STXBP5: variants seen among roughly 807,000 people sequenced by gnomAD.
STXBP5 encodes the protein syntaxin-binding protein 5.
STXBP5 carries 50 observed loss-of-function variants against 152.4 expected under a neutral mutation model. That is an observed-to-expected ratio of 0.33 (90% CI 0.26 to 0.42). STXBP5 has a LOEUF of 0.42. Ranked by LOEUF, STXBP5 falls within the 10% of genes least tolerant of loss-of-function variation. The pLI is 1.00. For synonymous variants in STXBP5, 492 were observed against 494.7 expected (o/e 0.99, Z 0.07); for missense variants, 1,167 against 1,388.6 (o/e 0.84, Z 2.54).
intron 18 of STXBP5, among the ~76,000 whole-genome samples, chr6:147,333,371 A>T (rs1045137356): frequency 6.6e-6 from 1 of 152,086 alleles, no homozygotes; most frequent in African/African-American, 2.4e-5. Flanking sequence ...AAAATACAAA[A>T]AAACTAGCCA....
At chr6:147,327,699 C>A (rs1274608116) in intron 18 of STXBP5, among the ~76,000 whole-genome samples, 4 of 152,170 alleles carry the variant, frequency 2.6e-5, no homozygotes, top group African/African-American at 9.7e-5. Context: ...GCCTCAGCCT[C>A]CCAAAGTACT....
intron 9 of STXBP5, among the ~76,000 whole-genome samples, chr6:147,305,299 A>G (rs1203582436): frequency 1.3e-5 from 2 of 152,356 alleles, no homozygotes; most frequent in Admixed American, 6.5e-5. Flanking sequence ...ACAGTTTGGA[A>G]AGCAGTGTTC....
intron 25 of STXBP5, among the ~76,000 whole-genome samples, chr6:147,366,486 C>G (rs542390730): frequency 6.6e-6 from 1 of 152,166 alleles, no homozygotes; most frequent in African/African-American, 2.4e-5. Context: ...GGGTCTTGCT[C>G]CCTCCAGAGG....
chr6:147,227,450 T>G (rs1777777039), intron 2 of STXBP5, among the ~76,000 whole-genome samples: 1 of 152,154 alleles, frequency 6.6e-6, no homozygotes, highest in Admixed American at 6.5e-5. Context: ...TTGCCAATGT[T>G]TTTTGATTCC....
intron 18 of STXBP5, among the ~76,000 whole-genome samples, chr6:147,328,986 A>G (rs1490950869): frequency 1.3e-5 from 2 of 152,164 alleles, no homozygotes; most frequent in East Asian, 1.9e-4. Flanking sequence ...AGATACTAGT[A>G]TTTAATGCTA....
chr6:147,294,937 GA>G (rs1454969339), intron 9 of STXBP5, among the ~76,000 whole-genome samples: 1 of 152,120 alleles, frequency 6.6e-6, no homozygotes, highest in East Asian at 1.9e-4. Flanking sequence ...TGATTTAGTA[GA>G]AATAATTGGT....
At chr6:147,307,285 T>G (rs1782141130) in intron 9 of STXBP5, among the ~76,000 whole-genome samples, 1 of 152,196 alleles carries the variant, frequency 6.6e-6, no homozygotes, top group African/African-American at 2.4e-5. Context: ...CCAATATCAT[T>G]AAAAGGGATT....
chr6:147,257,519 A>G (rs1779428617), intron 4 of STXBP5, among the ~76,000 whole-genome samples: 1 of 152,020 alleles, frequency 6.6e-6, no homozygotes, highest in Non-Finnish European at 1.5e-5. Flanking sequence ...TATTAGTAAA[A>G]GATGTACTTA....
At chr6:147,208,260 G>C (rs1776672003) in intron 2 of STXBP5, among the ~76,000 whole-genome samples, 1 of 152,070 alleles carries the variant, frequency 6.6e-6, no homozygotes, top group Admixed American at 6.6e-5. Context: ...TGGCTTGCTT[G>C]CCAGTAATAC....
chr6:147,270,965 C>A (rs1218166981), intron 7 of STXBP5, among the ~76,000 whole-genome samples: 1 of 151,878 alleles, frequency 6.6e-6, no homozygotes, highest in Non-Finnish European at 1.5e-5. Flanking sequence ...AAAGGAAATA[C>A]CAAAGCAACA....
chr6:147,262,431 A>C lies in STXBP5; in HGVS notation c.630+78A>C. On this transcript the variant is annotated intron_variant, in intron 6 of 27. Transcript: ENST00000321680. ...TCAATAAACATGCTATTTCAGGATC[A>C]CACTTATTACAAATTGAGATTACCA... The C allele has an allele frequency of 3.7e-6, 3 of 817,882 alleles. No homozygotes were observed. The South Asian group carries it at 5.7e-5, about 15-fold the overall frequency. The allele number at this position is 817,882 out of a possible 1,614,324, so 50.7% of individuals were successfully genotyped here.
In STXBP5 at chr6:147,364,141, G is replaced by A. The variant is rs960515353; in HGVS notation, c.3056G>A (p.Ser1019Asn). The A allele has an allele frequency of 6.2e-7, 1 of 1,612,818 alleles. No homozygotes were observed. The highest frequency in any genetic ancestry group is 1.1e-5 in the South Asian group (1 of 90,724). The change falls in exon 25 of 28, where the codon AGT becomes AAT. Residue 1019 changes from serine to asparagine, a missense_variant. Coordinates refer to ENST00000321680, the MANE Select transcript of STXBP5 (RefSeq NM_001127715.4). ...SPTEIQRLTY[S>N]QETCENLQEM... The stretch of plus-strand genomic sequence containing the variant: ...ACAGAAATCCAGAGACTTACTTATA[G>A]TCAAGAGACCTGTGAAAATCTTCAG...
chr6:147,205,086 G>A (rs942097118), intron 1 of STXBP5, among the ~76,000 whole-genome samples: 2 of 152,116 alleles, frequency 1.3e-5, no homozygotes, highest in Non-Finnish European at 2.9e-5. Context: ...AGCCAAACCT[G>A]TTCTACCACA....
Position 147,310,256 on chromosome 6 carries a change from A to G in STXBP5, c.1072+18A>G, listed in dbSNP as rs1395214441. On this transcript the variant is annotated intron_variant, in intron 10 of 27. Coordinates refer to ENST00000321680, the MANE Select transcript of STXBP5 (RefSeq NM_001127715.4). ...CCCAAATGGTAAGCTTTGCAACTTT[A>G]AAGCTCATTCTCTATAGAGAGCTGA... 2 of 1,533,788 alleles carry G rather than the reference A, an allele frequency of 1.3e-6. No individual in the cohort carries two copies. The highest frequency in any genetic ancestry group is 4.7e-5 in the East Asian group (2 of 42,574).
intron 17 of STXBP5, 46 bp from the exon 18 acceptor site, chr6:147,327,079 G>T (rs774701120): frequency 1.9e-6 from 3 of 1,568,446 alleles, no homozygotes; most frequent in South Asian, 1.2e-5. Flanking sequence ...CATTTTTTTG[G>T]AATTATTTGT....
intron 8 of STXBP5, among the ~76,000 whole-genome samples, chr6:147,286,878 C>T (rs1008735535): frequency 4.6e-5 from 7 of 151,952 alleles, no homozygotes; most frequent in African/African-American, 9.7e-5. Flanking sequence ...AAAAATCTTA[C>T]AGATATTCTT....
chr6:147,234,568 A>AT (rs1166484441), intron 2 of STXBP5, among the ~76,000 whole-genome samples: 1 of 151,940 alleles, frequency 6.6e-6, no homozygotes, highest in African/African-American at 2.4e-5. Flanking sequence ...AGTTATGAGG[A>AT]TTAAATGAGT....
At chr6:147,284,552 G>A (rs1338036593) in intron 8 of STXBP5, among the ~76,000 whole-genome samples, 1 of 152,174 alleles carries the variant, frequency 6.6e-6, no homozygotes, top group Non-Finnish European at 1.5e-5. Context: ...AAACAAATAA[G>A]TGGTGACTGG....
At chr6:147,310,286 A>T (rs1294105768) in intron 10 of STXBP5, 48 bp downstream of exon 10, 1 of 323,948 alleles carries the variant, frequency 3.1e-6, no homozygotes, top group African/African-American at 7.4e-5. Context: ...AGCTGATATT[A>T]AAAAAAAAAA....
Sources: gnomAD v4.1 joint callset for allele counts (sites outside exome capture counted in the v4.1 genomes callset) on GRCh38, gnomAD v4.1.1 for gene constraint, MANE v1.5 for transcripts, NCBI Gene and HGNC (gene_info 2026-07-23, HGNC 2026-07-21) for gene names.